The following TPD52 variants were observed in gnomAD, a reference collection of about 807,000 sequenced individuals.
TPD52 encodes the protein prostate and colon associated protein.
In TPD52, 17 loss-of-function variants were observed where a neutral mutation model predicts 31.3. That is an observed-to-expected ratio of 0.54 (90% CI 0.37 to 0.82). The LOEUF (loss-of-function observed/expected upper bound fraction) is 0.82, where lower values mean the gene tolerates loss of function less well. TPD52 is among the 40% of genes least tolerant of loss of function. TPD52 has a pLI of 0.00. For missense variants in TPD52, 212 were observed against 240.1 expected (o/e 0.88, Z 0.77); for synonymous variants, 83 against 89.6 (o/e 0.93, Z 0.42).
At chr8:80,152,473 G>A (rs567225987) in intron 1 of TPD52, among the ~76,000 whole-genome samples, 2 of 152,228 alleles carry the variant, frequency 1.3e-5, no homozygotes, top group South Asian at 2.1e-4. Context: ...TAGCTCCAAA[G>A]ATCTCTCACA....
intron 1 of TPD52, among the ~76,000 whole-genome samples, chr8:80,097,462 G>C (rs935768094): frequency 6.6e-6 from 1 of 152,216 alleles, no homozygotes; most frequent in Non-Finnish European, 1.5e-5. Flanking sequence ...GGCCTGCTGG[G>C]AGGTGATTAG....
intron 1 of TPD52, among the ~76,000 whole-genome samples, chr8:80,101,448 CAAAAAAAAAAAAA>C (rs113660828): frequency 9.6e-5 from 11 of 114,732 alleles, no homozygotes; most frequent in Non-Finnish European, 1.6e-4. Context: ...ACTCCCAGCT[CAAAAAAAAAAAAA>C]AAAAAAAAAA....
In TPD52 at chr8:80,039,188, C is replaced by T. The variant is rs189424069; in HGVS notation, c.505-953G>A. 7.9e-5 allele frequency among the ~76,000 whole-genome samples: 12 copies of T among 152,128 alleles called. No homozygotes were observed. In the South Asian group the frequency reaches 2.1e-3, roughly 26 times the overall value. On this transcript the variant is annotated intron_variant, in intron 7 of 7. Transcript: ENST00000518937. ...TACCATCCAAATTGTTTGGGAAATG[C>T]GAATAATGTGTGTTCATTGTTTATT...
chr8:80,129,119 C>A (rs1023681821), intron 1 of TPD52, among the ~76,000 whole-genome samples: 7 of 152,052 alleles, frequency 4.6e-5, no homozygotes, highest in African/African-American at 1.7e-4. Context: ...TCCTAGTTCT[C>A]ATCTCCTATA....
chr8:80,062,084 A>G (rs1004481136), intron 2 of TPD52, among the ~76,000 whole-genome samples: 8 of 152,354 alleles, frequency 5.3e-5, no homozygotes, highest in Non-Finnish European at 1.2e-4. Flanking sequence ...TGAAATTCAT[A>G]TGGAATTGCA....
At chr8:80,113,377 AT>A (rs1807639161) in intron 1 of TPD52, among the ~76,000 whole-genome samples, 1 of 152,154 alleles carries the variant, frequency 6.6e-6, no homozygotes, top group African/African-American at 2.4e-5. Flanking sequence ...AGTGTGGAGG[AT>A]TCTCAAAAAA....
chr8:80,042,431 A>G (rs1810478451), intron 7 of TPD52, 189 bp downstream of exon 7: 2 of 985,370 alleles, frequency 2.0e-6, no homozygotes, highest in African/African-American at 3.5e-5. Context: ...CTGCCACACT[A>G]CAGCATACAC....
chr8:80,085,912 T>C (rs1005601016), intron 1 of TPD52, among the ~76,000 whole-genome samples: 4 of 151,984 alleles, frequency 2.6e-5, no homozygotes, highest in African/African-American at 7.3e-5. Flanking sequence ...AACAGTATAA[T>C]GGAGAAAAGC....
intron 1 of TPD52, among the ~76,000 whole-genome samples, chr8:80,144,018 C>A (rs1810023003): frequency 6.6e-6 from 1 of 151,894 alleles, no homozygotes; most frequent in Non-Finnish European, 1.5e-5. Context: ...AAATTTTTTC[C>A]CCAAAGGATA....
intron 1 of TPD52, among the ~76,000 whole-genome samples, chr8:80,145,166 G>A (rs1810105257): frequency 6.6e-6 from 1 of 152,212 alleles, no homozygotes; most frequent in Non-Finnish European, 1.5e-5. Context: ...CAGAAGCACA[G>A]AAGTAGGTAA....
In TPD52 at chr8:80,063,245, C is replaced by T. The variant is rs190808862; in HGVS notation, c.135+1233G>A. 1.1e-4 allele frequency among the ~76,000 whole-genome samples: 16 copies of T among 152,310 alleles called. No homozygotes were observed. In the East Asian group the frequency reaches 3.1e-3, roughly 29 times the overall value. On this transcript the variant is annotated intron_variant, in intron 2 of 7. Transcript: ENST00000518937. ...AAACATAATGAAGCACAGATATGTG[C>T]TACACCATGAATCAACCTCAAAAAC...
intron 1 of TPD52, among the ~76,000 whole-genome samples, chr8:80,116,324 A>G (rs1325427518): frequency 6.6e-6 from 1 of 152,228 alleles, no homozygotes; most frequent in African/African-American, 2.4e-5. Context: ...TAAAACAGCA[A>G]TCATTATTGC....
intron 1 of TPD52, among the ~76,000 whole-genome samples, chr8:80,095,613 C>T (rs569544631): frequency 2.8e-4 from 43 of 152,270 alleles, no homozygotes; most frequent in Non-Finnish European, 5.4e-4. Flanking sequence ...GAACTCTGCA[C>T]TACTTGTTCA....
At chr8:80,048,285 T>A (rs1811065071) in intron 5 of TPD52, among the ~76,000 whole-genome samples, 1 of 152,196 alleles carries the variant, frequency 6.6e-6, no homozygotes, top group African/African-American at 2.4e-5. Flanking sequence ...AAATCCCAAG[T>A]GCTGATTTAT....
rs183441632 is a variant in TPD52, at chr8:80,124,515, C to T, written c.19+46910G>A. 3.3e-5 allele frequency among the ~76,000 whole-genome samples: 5 copies of T among 152,252 alleles called. No homozygotes were observed. The East Asian group carries it at 9.6e-4, about 29-fold the overall frequency. ...TAAAGGCAATGGTCTTAGTCTGGACCTAGACATCAGTAGTGTGTATACGTA... is the reference window on the plus strand; with the variant it reads ...TAAAGGCAATGGTCTTAGTCTGGACTTAGACATCAGTAGTGTGTATACGTA... On this transcript the variant is annotated intron_variant, in intron 1 of 7. Transcript: ENST00000518937.
At chr8:80,139,445 G>C (rs1695893815) in intron 1 of TPD52, among the ~76,000 whole-genome samples, 1 of 152,022 alleles carries the variant, frequency 6.6e-6, no homozygotes, top group African/African-American at 2.4e-5. Flanking sequence ...TTTCAGACTT[G>C]CAAACTTTTA....
Position 80,077,934 on chromosome 8 carries a change from A to T in TPD52, c.20-13341T>A, listed in dbSNP as rs563859445. Among the ~76,000 whole-genome samples the T allele has an allele frequency of 2.6e-5, 4 of 152,390 alleles. No individual in the cohort carries two copies. The East Asian group carries it at 7.7e-4, about 29-fold the overall frequency. The stretch of plus-strand genomic sequence containing the variant: ...GTTAGCAGAACCAGATGAGCACTTT[A>T]AAAGAAGAAATGGCATCAAATAGTA... On this transcript the variant is annotated intron_variant, in intron 1 of 7. Transcript: ENST00000518937.
intron 1 of TPD52, among the ~76,000 whole-genome samples, chr8:80,162,838 A>G (rs975042604): frequency 2.6e-5 from 4 of 152,126 alleles, no homozygotes; most frequent in African/African-American, 4.8e-5. Context: ...AGGCAGGAGG[A>G]TCACTTGAGC....
chr8:80,047,173 G>C (rs1480832000), intron 5 of TPD52, among the ~76,000 whole-genome samples: 1 of 152,156 alleles, frequency 6.6e-6, no homozygotes, highest in Non-Finnish European at 1.5e-5. Flanking sequence ...GGACAGTGCA[G>C]GCTCCAGGAC....
Sources: gnomAD v4.1 joint callset for allele counts (sites outside exome capture counted in the v4.1 genomes callset) on GRCh38, gnomAD v4.1.1 for gene constraint, MANE v1.5 for transcripts, NCBI Gene and HGNC (gene_info 2026-07-23, HGNC 2026-07-21) for gene names.